The following TNPO3 variants were observed in gnomAD, a reference collection of about 807,000 sequenced individuals.
The protein encoded by TNPO3 is transportin 3.
TNPO3 carries 65 observed loss-of-function variants against 122.8 expected under a neutral mutation model. That is an observed-to-expected ratio of 0.53 (90% CI 0.43 to 0.65). TNPO3 has a LOEUF of 0.65. Among genes scored for constraint, TNPO3 ranks in the 30% least tolerant of loss-of-function variants. The pLI, the probability that TNPO3 is intolerant of heterozygous loss-of-function variation, is 0.00. For missense variants in TNPO3, 850 were observed against 1,136.7 expected, an observed-to-expected ratio of 0.75 and a Z score of 3.63; for synonymous variants, 372 against 411.2, an observed-to-expected ratio of 0.90 and a Z score of 1.15.
At chr7:128,979,722 G>A (rs1249370242) in intron 15 of TNPO3, among the ~76,000 whole-genome samples, 1 of 152,194 alleles carries the variant, frequency 6.6e-6, no homozygotes, top group Non-Finnish European at 1.5e-5. Context: ...GTAACTCTAG[G>A]AGTCACACAG....
At chr7:128,986,634 T>C in intron 12 of TNPO3, 95 bp downstream of exon 12, 1 of 1,176,922 alleles carries the variant, frequency 8.5e-7, no homozygotes. Flanking sequence ...AAACACTAAG[T>C]ACATTGCAAC....
chr7:128,965,251 C>T (rs536903247), intron 21 of TNPO3, among the ~76,000 whole-genome samples: 1 of 152,096 alleles, frequency 6.6e-6, no homozygotes, highest in Non-Finnish European at 1.5e-5. Context: ...AAAAGAAACC[C>T]AATTTTTAAA....
intron 1 of TNPO3, among the ~76,000 whole-genome samples, chr7:129,048,534 A>G (rs888564074): frequency 6.6e-6 from 1 of 152,204 alleles, no homozygotes; most frequent in Admixed American, 6.5e-5. Context: ...TGTCTCAAAA[A>G]ATAAATAAAC....
intron 21 of TNPO3, among the ~76,000 whole-genome samples, chr7:128,964,385 G>C (rs552752269): frequency 3.7e-4 from 54 of 146,920 alleles, no homozygotes; most frequent in Non-Finnish European, 6.7e-4. Flanking sequence ...GCCCAGGCTG[G>C]AGTGCAGTGG....
At position 129,054,711 on chromosome 7, in the gene TNPO3, G is replaced by A. The variant is rs1339032944; in HGVS notation, c.60C>T (p.His20=). Residue 20 remains histidine, a synonymous_variant, in exon 1 of 23, where the codon CAC becomes CAT. Transcript: ENST00000265388. ...LVYQAVQALY[H]DPDPSGKERA... ...GCTCCTTTCCGCTGGGATCTGGGTC[G>A]TGGTAAAGCGCCTGCACTGCCTGGT... 1.2e-6 allele frequency: 2 copies of A among 1,614,084 alleles called. No individual in the cohort carries two copies. The highest frequency in any genetic ancestry group is 2.2e-5 in the East Asian group (1 of 44,900).
At chr7:129,020,538 T>C (rs889900520) in intron 1 of TNPO3, among the ~76,000 whole-genome samples, 1 of 152,162 alleles carries the variant, frequency 6.6e-6, no homozygotes, top group Non-Finnish European at 1.5e-5. Flanking sequence ...CCTCCTGAGC[T>C]CAAGAGATCC....
At chr7:129,002,461 A>G (rs906095040) in intron 5 of TNPO3, among the ~76,000 whole-genome samples, 1 of 152,364 alleles carries the variant, frequency 6.6e-6, no homozygotes. Context: ...AGGGCGTATT[A>G]GTCTTCCTTG....
chr7:128,968,269 C>T (rs1309580357), intron 20 of TNPO3, among the ~76,000 whole-genome samples: 1 of 152,072 alleles, frequency 6.6e-6, no homozygotes, highest in Non-Finnish European at 1.5e-5. Context: ...TCTGCCTGTT[C>T]TTTGTGTTAA....
Position 129,008,958 on chromosome 7 carries a change from G to C in TNPO3, c.553-3799C>G, listed in dbSNP as rs1802887259. Among the ~76,000 whole-genome samples the C allele has an allele frequency of 2.0e-5, 3 of 152,246 alleles. No homozygotes were observed. The South Asian group carries it at 6.2e-4, about 32-fold the overall frequency. ...ACCTGTTTCTAAAACTAATCTCTTT[G>C]AAAAGATGAAATTCTGCAAATTAAA... On this transcript the variant is annotated intron_variant, in intron 4 of 22. Coordinates refer to ENST00000265388, the MANE Select transcript of TNPO3 (RefSeq NM_012470.4).
intron 3 of TNPO3, 28 bp from the exon 4 acceptor site, chr7:129,015,163 T>C: frequency 6.3e-7 from 1 of 1,597,444 alleles, no homozygotes; most frequent in Non-Finnish European, 8.5e-7. Context: ...GGAGATATGT[T>C]ATTTATAGCC....
In TNPO3 at chr7:128,956,043, A is replaced by G. The variant is rs147671331; in HGVS notation, c.*32-658T>C. 1.9e-3 allele frequency among the ~76,000 whole-genome samples: 293 copies of G among 152,346 alleles called. 3 individuals carry two copies. The highest frequency in any genetic ancestry group is 6.5e-3 in the African/African-American group (270 of 41,580). On this transcript the variant is annotated intron_variant, in intron 22 of 22. Transcript: ENST00000265388. ...AACACTTAAAACAGTGCCCTGACAC[A>G]CAGTAAGGGCACAATAAAAGTTAAC...
intron 1 of TNPO3, among the ~76,000 whole-genome samples, chr7:129,042,599 G>A (rs1001757702): frequency 6.6e-6 from 1 of 151,986 alleles, no homozygotes; most frequent in Admixed American, 6.6e-5. Context: ...TCCTTTATGA[G>A]AATTTTACAA....
chr7:129,035,760 G>A (rs1195429580), intron 1 of TNPO3, among the ~76,000 whole-genome samples: 1 of 152,124 alleles, frequency 6.6e-6, no homozygotes, highest in African/African-American at 2.4e-5. Context: ...TAGATTTTAT[G>A]TGACTCCTGA....
In TNPO3 at chr7:128,958,287, G is replaced by A. The variant is rs561535775; in HGVS notation, c.2712-972C>T. Reference sequence around the variant, plus strand: ...GCCTCCCCAGTAGCTGGGATCACAGGTGCCCACCACCACGCCCGACTATTT... The same window carrying A: ...GCCTCCCCAGTAGCTGGGATCACAGATGCCCACCACCACGCCCGACTATTT... On this transcript the variant is annotated intron_variant, in intron 21 of 22. Coordinates refer to ENST00000265388, the MANE Select transcript of TNPO3 (RefSeq NM_012470.4). Among the ~76,000 whole-genome samples the A allele has an allele frequency of 2.0e-4, 31 of 152,064 alleles. 1 individual carries two copies. In the Middle Eastern group the frequency reaches 0.014, roughly 67 times the overall value.
At chr7:128,955,709 A>G (rs1469300467) in intron 22 of TNPO3, among the ~76,000 whole-genome samples, 1 of 152,242 alleles carries the variant, frequency 6.6e-6, no homozygotes, top group Non-Finnish European at 1.5e-5. Flanking sequence ...GCTTTGCCTC[A>G]GTCTGCTAAA....
chr7:128,973,775 T>G (rs377053726), intron 18 of TNPO3, among the ~76,000 whole-genome samples: 16 of 46,790 alleles, frequency 3.4e-4, no homozygotes, highest in South Asian at 5.6e-4. Flanking sequence ...AAACAGAGGG[T>G]GACAGCCCAT....
chr7:129,035,015 C>T (rs1758690376), intron 1 of TNPO3, among the ~76,000 whole-genome samples: 1 of 152,026 alleles, frequency 6.6e-6, no homozygotes, highest in South Asian at 2.1e-4. Flanking sequence ...TGGCTCACGC[C>T]TGTAATCCCA....
chr7:129,007,811 A>G (rs1802736595), intron 4 of TNPO3, among the ~76,000 whole-genome samples: 1 of 152,212 alleles, frequency 6.6e-6, no homozygotes. Context: ...GTCACTATCT[A>G]AAGCCACAAG....
intron 21 of TNPO3, among the ~76,000 whole-genome samples, chr7:128,962,462 C>T (rs1025811136): frequency 6.6e-6 from 1 of 151,682 alleles, no homozygotes; most frequent in African/African-American, 2.4e-5. Flanking sequence ...TAAACCAGTT[C>T]ACCCTCTCTG....
Sources: gnomAD v4.1 joint callset for allele counts (sites outside exome capture counted in the v4.1 genomes callset) on GRCh38, gnomAD v4.1.1 for gene constraint, MANE v1.5 for transcripts, NCBI Gene and HGNC (gene_info 2026-07-23, HGNC 2026-07-21) for gene names.